The following APOD variants were observed in gnomAD, a reference collection of about 807,000 sequenced individuals.
APOD encodes the protein apolipoprotein D.
APOD carries 22 observed loss-of-function variants against 20.4 expected under a neutral mutation model. That is an observed-to-expected ratio of 1.08 (90% CI 0.77 to 1.54). The LOEUF is 1.54. Ranked by LOEUF, APOD falls within the 40% of genes most tolerant of loss-of-function variation. The pLI, the probability that APOD is intolerant of heterozygous loss-of-function variation, is 0.00. For missense variants in APOD, 223 were observed against 229.6 expected (o/e 0.97, Z 0.19); for synonymous variants, 97 against 92.4 (o/e 1.05, Z -0.29).
rs1720296173 is a variant in APOD at position 195,579,356 on chromosome 3, TCTC to T, written c.103_105del (p.Glu35del). Reference sequence around the variant, plus strand: ...CCTTTTACCTTATTCACGTCAAAATTCTCCTGCACCGGAGGATTGGGGCACTTC... The same window carrying T: ...CCTTTTACCTTATTCACGTCAAAATTCTGCACCGGAGGATTGGGGCACTTC... On this transcript the variant is annotated inframe_deletion, in exon 2 of 5. Transcript: ENST00000343267. The T allele has an allele frequency of 6.2e-7, 1 of 1,614,146 alleles. No homozygotes were observed. The highest frequency in any genetic ancestry group is 8.5e-7 in the Non-Finnish European group (1 of 1,180,022).
chr3:195,577,893 C>A (rs1720272237), intron 2 of APOD, among the ~76,000 whole-genome samples: 1 of 152,042 alleles, frequency 6.6e-6, no homozygotes, highest in Non-Finnish European at 1.5e-5. Context: ...TTGCCTGGGG[C>A]TGGAAGGGTT....
chr3:195,579,192 A>G, intron 2 of APOD, 147 bp downstream of exon 2: 1 of 1,294,282 alleles, frequency 7.7e-7, no homozygotes, highest in Non-Finnish European at 1.1e-6. Context: ...TTATCTCAGC[A>G]GATGTCTGCT....
chr3:195,582,164 A>C (rs776196456), intron 1 of APOD, among the ~76,000 whole-genome samples: 23 of 152,190 alleles, frequency 1.5e-4, no homozygotes, highest in Non-Finnish European at 2.9e-4. Context: ...ATTGCACTCC[A>C]GCCTGGGCAA....
intron 2 of APOD, among the ~76,000 whole-genome samples, chr3:195,574,334 G>C (rs954683572): frequency 2.0e-5 from 3 of 152,178 alleles, no homozygotes; most frequent in African/African-American, 7.2e-5. Flanking sequence ...GTTCGCTGTG[G>C]GGAGCTAGGA....
intron 3 of APOD, among the ~76,000 whole-genome samples, chr3:195,573,258 T>C (rs1720196159): frequency 6.6e-6 from 1 of 152,232 alleles, no homozygotes; most frequent in Non-Finnish European, 1.5e-5. Flanking sequence ...GAGCTCTTCC[T>C]GGGGCTCTTT....
Position 195,568,809 on chromosome 3 carries a change from G to T in APOD, c.*91C>A. 1 of 833,770 alleles carries T rather than the reference G, an allele frequency of 1.2e-6. No individual in the cohort carries two copies. Among genetic ancestry groups the T allele is most frequent in the Non-Finnish European group, 1.9e-6 (1 of 513,212 alleles). 51.6% of individuals were successfully genotyped at this position (833,770 alleles called of 1,614,324 possible). ...CATGTTCAGGTCAACTTCCTTTGTC[G>T]TGGTTGATTGGTTTGTCTTTATGGG... On this transcript the variant is annotated 3_prime_UTR_variant, in exon 5 of 5. Coordinates refer to ENST00000343267, the MANE Select transcript of APOD (RefSeq NM_001647.4).
chr3:195,579,455 T>G lies in APOD; in HGVS notation c.7A>C (p.Met3Leu). The change falls in exon 2 of 5, where the codon ATG becomes CTG. Residue 3 changes from methionine (M) to leucine (L), a missense_variant. Transcript: ENST00000343267. ...AGTGCGGAAAGCAGCAGCAGCAGCA[T>G]CACCATCTTGGGGCTGGGTGGCTGG... MVMLLLLLSALAG... is the reference protein window; with the variant it reads MVLLLLLLSALAG... 3 of 1,613,262 alleles carry G rather than the reference T, an allele frequency of 1.9e-6. No homozygotes were observed. The highest frequency in any genetic ancestry group is 1.7e-6 in the Non-Finnish European group (2 of 1,180,010).
chr3:195,582,429 C>T (rs1214663955), intron 1 of APOD, among the ~76,000 whole-genome samples: 1 of 152,082 alleles, frequency 6.6e-6, no homozygotes, highest in Non-Finnish European at 1.5e-5. Flanking sequence ...AAATACTTTA[C>T]AAAATAAGTA....
At chr3:195,569,786 G>GGTTTTT (rs1720126677) in intron 4 of APOD, among the ~76,000 whole-genome samples, 3 of 54,056 alleles carry the variant, frequency 5.5e-5, no homozygotes, top group African/African-American at 2.5e-4. Context: ...CTTCTTCTTC[G>GGTTTTT]TTTTTTTTTT....
Position 195,573,919 on chromosome 3 carries a change from C to A in APOD, c.176G>T (p.Gly59Val). The change falls in exon 3 of 5, where the codon GGA (glycine) becomes GTA (valine). Residue 59 changes from glycine to valine, a missense_variant. Gly to Val is a moderately radical substitution (Grantham distance 109). Coordinates refer to ENST00000343267, the MANE Select transcript of APOD (RefSeq NM_001647.4). ...IEKIPTTFEN[G>V]RCIQANYSLM... ...TGAGTAGTTGGCCTGGATGCAGCGT[C>A]CATTCTCAAAGGTTGTTGGGATCTT... The A allele has an allele frequency of 6.2e-7, 1 of 1,614,190 alleles. No individual in the cohort carries two copies. Among genetic ancestry groups the A allele is most frequent in the Non-Finnish European group, 8.5e-7 (1 of 1,180,042 alleles).
chr3:195,568,835 G>GGGGT lies in APOD; in HGVS notation c.*64_*65insACCC. 1.9e-6 allele frequency: 2 copies of GGGGT among 1,064,976 alleles called. No individual in the cohort carries two copies. Among genetic ancestry groups the GGGGT allele is most frequent in the African/African-American group, 3.5e-5 (2 of 57,148 alleles). 66.0% of individuals were successfully genotyped at this position (1,064,976 alleles called of 1,614,324 possible). A position where few individuals can be genotyped will look rare whatever the true frequency, so the allele number is the denominator to read the frequency against. ...TGGTTGATTGGTTTGTCTTTATGGG[G>GGGGT]GGGGGGTAGGGGAAAGCGAAGCAGA... On this transcript the variant is annotated 3_prime_UTR_variant, in exon 5 of 5. Coordinates refer to ENST00000343267, the MANE Select transcript of APOD (RefSeq NM_001647.4).
Position 195,579,426 on chromosome 3 carries a change from A to G in APOD, c.36T>C (p.Ala12=). Reference sequence around the variant, plus strand: ...GTCCCTCTGCCGCACCGAAGAGGCCAGCCAGTGCGGAAAGCAGCAGCAGCA... The same window carrying G: ...GTCCCTCTGCCGCACCGAAGAGGCCGGCCAGTGCGGAAAGCAGCAGCAGCA... ...VMLLLLLSAL[A]GLFGAAEGQA... Residue 12 remains alanine (A), a synonymous_variant, in exon 2 of 5, where the codon GCT becomes GCC. Coordinates refer to ENST00000343267, the MANE Select transcript of APOD (RefSeq NM_001647.4). 1 of 1,614,054 alleles carries G rather than the reference A, an allele frequency of 6.2e-7. No individual in the cohort carries two copies. The highest frequency in any genetic ancestry group is 1.1e-5 in the South Asian group (1 of 91,088).
intron 1 of APOD, among the ~76,000 whole-genome samples, chr3:195,580,850 A>G (rs530552182): frequency 6.6e-6 from 1 of 152,354 alleles, no homozygotes; most frequent in East Asian, 1.9e-4. Context: ...GCAGGGAGAC[A>G]GAGGCTGCAG....
chr3:195,574,153 T>G (rs558813043), intron 2 of APOD, among the ~76,000 whole-genome samples, 182 bp from the exon 3 acceptor site: 8 of 152,228 alleles, frequency 5.3e-5, no homozygotes, highest in Admixed American at 3.9e-4. Context: ...GGATGGGATG[T>G]GCGGGCAGGG....
At chr3:195,574,588 A>C (rs1345909108) in intron 2 of APOD, among the ~76,000 whole-genome samples, 2 of 152,238 alleles carry the variant, frequency 1.3e-5, no homozygotes, top group East Asian at 3.9e-4. Flanking sequence ...ACCAGTTTAC[A>C]ACCTCTGCGG....
intron 1 of APOD, among the ~76,000 whole-genome samples, chr3:195,580,435 C>G: frequency 6.8e-6 from 1 of 147,888 alleles, no homozygotes; most frequent in Admixed American, 6.8e-5. Context: ...GATGGAGTCT[C>G]ACTCTGTCAC....
chr3:195,574,098 G>T, intron 2 of APOD, 127 bp from the exon 3 acceptor site: 1 of 1,301,600 alleles, frequency 7.7e-7, no homozygotes. Flanking sequence ...ATTGTTCCCA[G>T]TGGCAACTGG....
At chr3:195,570,878 A>G (rs1323442596) in intron 4 of APOD, 2 of 177,504 alleles carry the variant, frequency 1.1e-5, no homozygotes, top group Non-Finnish European at 2.4e-5. Flanking sequence ...CTTGCTTCCT[A>G]GTTTCTGCGC....
chr3:195,575,789 G>T (rs1054728520), intron 2 of APOD, among the ~76,000 whole-genome samples: 2 of 151,930 alleles, frequency 1.3e-5, no homozygotes. Flanking sequence ...CACCATGCCC[G>T]GCTAATTTTT....
Sources: gnomAD v4.1 joint callset for allele counts (sites outside exome capture counted in the v4.1 genomes callset) on GRCh38, gnomAD v4.1.1 for gene constraint, MANE v1.5 for transcripts, NCBI Gene and HGNC (gene_info 2026-07-23, HGNC 2026-07-21) for gene names.